The following MKX variants were observed in gnomAD, a reference collection of about 807,000 sequenced individuals.
MKX encodes homeobox protein Mohawk.
MKX carries 13 observed loss-of-function variants against 36.0 expected under a neutral mutation model. The observed-to-expected ratio is 0.36, with a 90% CI of 0.24 to 0.57. The LOEUF (loss-of-function observed/expected upper bound fraction) is 0.57, where lower values mean the gene tolerates loss of function less well. MKX is among the 20% of genes least tolerant of loss of function. MKX has a pLI of 0.79. For missense variants in MKX, 458 were observed against 456.4 expected (o/e 1.00, Z -0.03); for synonymous variants, 176 against 178.3 (o/e 0.99, Z 0.10).
intron 5 of MKX, among the ~76,000 whole-genome samples, chr10:27,682,453 A>G (rs1836270120): frequency 6.6e-6 from 1 of 152,076 alleles, no homozygotes; most frequent in African/African-American, 2.4e-5. Context: ...TTCACTCACC[A>G]CTCACTTACT....
intron 5 of MKX, among the ~76,000 whole-genome samples, chr10:27,732,940 G>A (rs1834665416): frequency 6.6e-6 from 1 of 152,004 alleles, no homozygotes; most frequent in South Asian, 2.1e-4. Context: ...GTAGCAATGG[G>A]GGTCTCACCA....
chr10:27,711,009 T>C (rs1165946312), intron 5 of MKX, among the ~76,000 whole-genome samples: 3 of 152,242 alleles, frequency 2.0e-5, no homozygotes, highest in African/African-American at 7.2e-5. Flanking sequence ...ATAAGTCATA[T>C]TATTGGACTG....
intron 5 of MKX, among the ~76,000 whole-genome samples, chr10:27,721,374 C>A (rs1485921387): frequency 1.3e-5 from 2 of 152,140 alleles, no homozygotes; most frequent in African/African-American, 4.8e-5. Flanking sequence ...TGGAACCAAC[C>A]CAAATGCCCA....
chr10:27,697,575 G>T (rs1836577998), intron 5 of MKX, among the ~76,000 whole-genome samples: 1 of 152,160 alleles, frequency 6.6e-6, no homozygotes, highest in Non-Finnish European at 1.5e-5. Context: ...CAACAATAGG[G>T]CTAGCACTGG....
intron 5 of MKX, among the ~76,000 whole-genome samples, chr10:27,718,898 G>A (rs1478185336): frequency 6.6e-6 from 1 of 152,106 alleles, no homozygotes; most frequent in Non-Finnish European, 1.5e-5. Flanking sequence ...TGTGTGCACA[G>A]TTACTCTGTA....
intron 5 of MKX, among the ~76,000 whole-genome samples, chr10:27,676,257 G>C (rs1394144809): frequency 7.4e-6 from 1 of 134,962 alleles, no homozygotes; most frequent in African/African-American, 2.7e-5. Flanking sequence ...CTGGGCAACA[G>C]AGCAAGACCC....
chr10:27,686,121 T>C (rs138668604), intron 5 of MKX, among the ~76,000 whole-genome samples: 115 of 152,228 alleles, frequency 7.6e-4, no homozygotes, highest in South Asian at 5.6e-3. Context: ...ATGAAAGAGT[T>C]ATTAGAAGCC....
At chr10:27,738,183 G>T (rs565081473) in intron 3 of MKX, among the ~76,000 whole-genome samples, 1 of 151,940 alleles carries the variant, frequency 6.6e-6, no homozygotes, top group African/African-American at 2.4e-5. Context: ...TATATATTCT[G>T]CTGGGGTTTT....
Position 27,741,514 on chromosome 10 carries a change from G to C in MKX, c.189-10C>G. On this transcript the variant is annotated splice_polypyrimidine_tract_variant and intron_variant, in intron 2 of 6. Coordinates refer to ENST00000419761, the MANE Select transcript of MKX (RefSeq NM_173576.3). This position sits in a 1 kb window ranked among gnomAD's most constrained non-coding sequence, Gnocchi z 5.1. ...GCCATTCTGCCGGGCGCTGGGACAT[G>C]GGGAGAGGAGGCGGCCCTGGTGAGC... 6.3e-7 allele frequency: 1 copy of C among 1,577,534 alleles called. No individual in the cohort carries two copies. The highest frequency in any genetic ancestry group is 8.6e-7 in the Non-Finnish European group (1 of 1,165,584).
intron 5 of MKX, among the ~76,000 whole-genome samples, chr10:27,697,571 T>C (rs944607801): frequency 6.6e-6 from 1 of 152,166 alleles, no homozygotes; most frequent in Admixed American, 6.5e-5. Flanking sequence ...TAGTCAACAA[T>C]AGGGCTAGCA....
chr10:27,692,773 G>A lies in MKX; in HGVS notation c.839-17219C>T, dbSNP rs530409870. ...TCAGGCCTGCCTCAAAAAGAACAGA[G>A]CATTGTTTTATTATACACTGACATA... On this transcript the variant is annotated intron_variant, in intron 5 of 6. Transcript: ENST00000419761. 2.0e-5 allele frequency among the ~76,000 whole-genome samples: 3 copies of A among 152,330 alleles called. No individual in the cohort carries two copies. The South Asian group carries it at 6.2e-4, about 32-fold the overall frequency.
intron 5 of MKX, among the ~76,000 whole-genome samples, chr10:27,693,309 A>G (rs563699522): frequency 1.3e-5 from 2 of 152,328 alleles, no homozygotes; most frequent in South Asian, 2.1e-4. Context: ...ATAAGGATCT[A>G]TACTACAGAG....
intron 5 of MKX, among the ~76,000 whole-genome samples, chr10:27,731,382 C>T (rs563870810): frequency 1.3e-4 from 20 of 152,146 alleles, no homozygotes; most frequent in Middle Eastern, 3.4e-3. Context: ...ATAGCAGTTG[C>T]TCAGAAAGTA....
In MKX at chr10:27,741,249, AG is replaced by A. The variant is rs1834886322; in HGVS notation, c.348+95del. ...AGCTCGGCTCCATCCCTCTCCAGGT[AG>A]AAGCGCCACGTGGAGAGCCACACGA... On this transcript the variant is annotated intron_variant, in intron 3 of 6. Transcript: ENST00000419761. The surrounding 1 kb of genome is among the most constrained non-coding windows in gnomAD (Gnocchi z 5.1). 6.7e-7 allele frequency: 1 copy of A among 1,486,500 alleles called. No homozygotes were observed. Among genetic ancestry groups the A allele is most frequent in the Non-Finnish European group, 9.2e-7 (1 of 1,081,998 alleles). The allele number at this position is 1,486,500 out of a possible 1,614,324, so 92.1% of individuals were successfully genotyped here.
At chr10:27,698,044 A>G (rs931164433) in intron 5 of MKX, among the ~76,000 whole-genome samples, 1 of 152,168 alleles carries the variant, frequency 6.6e-6, no homozygotes, top group African/African-American at 2.4e-5. Flanking sequence ...GGTGAACAGG[A>G]GTTACTGAGA....
Position 27,675,285 on chromosome 10 carries a change from A to G in MKX, c.1003T>C (p.Ser335Pro), listed in dbSNP as rs776691155. 1 of 1,614,108 alleles carries G rather than the reference A, an allele frequency of 6.2e-7. No homozygotes were observed. The highest frequency in any genetic ancestry group is 8.5e-7 in the Non-Finnish European group (1 of 1,180,004). ...GTCTTTACTTCTGCTATATGGGACGACTTCTGGATGATGCAGCTGGTAGTT... is the reference window on the plus strand; with the variant it reads ...GTCTTTACTTCTGCTATATGGGACGGCTTCTGGATGATGCAGCTGGTAGTT... ...QGTTSCIIQKSSHIAEVKTVK... is the reference protein window; with the variant it reads ...QGTTSCIIQKPSHIAEVKTVK... The change falls in exon 7 of 7, where the codon TCG becomes CCG. Residue 335 changes from serine to proline, a missense_variant. Physicochemically the swap from Ser to Pro is moderately conservative, Grantham distance 74. Around this residue, in one of 3 missense-constraint regions of MKX, gnomAD observed 297 missense variants for 304.4 expected, o/e 0.98. Coordinates refer to ENST00000419761, the MANE Select transcript of MKX (RefSeq NM_173576.3).
chr10:27,680,914 G>A (rs1190508836), intron 5 of MKX, among the ~76,000 whole-genome samples: 2 of 152,180 alleles, frequency 1.3e-5, no homozygotes, highest in Admixed American at 1.3e-4. Context: ...GGCCAAGGGG[G>A]AAAACAAAGA....
intron 5 of MKX, among the ~76,000 whole-genome samples, chr10:27,696,019 T>G (rs1203593226): frequency 6.6e-6 from 1 of 152,194 alleles, no homozygotes. Flanking sequence ...CTAAAGCGGC[T>G]TTCTTGTAGG....
intron 3 of MKX, among the ~76,000 whole-genome samples, chr10:27,736,354 T>C (rs926427841): frequency 1.4e-5 from 2 of 147,878 alleles, no homozygotes; most frequent in Non-Finnish European, 3.0e-5. Flanking sequence ...GAAAGAAATA[T>C]GTCAAGACAA....
Sources: allele counts gnomAD v4.1 joint callset (sites outside exome capture counted in the v4.1 genomes callset), GRCh38; gene constraint gnomAD v4.1.1; regional missense constraint gnomAD v4.1.1; non-coding constraint Gnocchi (gnomAD v3.1); transcripts MANE v1.5; gene names NCBI Gene and HGNC (gene_info 2026-07-23, HGNC 2026-07-21).